PPFIA4: variants seen among roughly 807,000 people sequenced by gnomAD.
PPFIA4 encodes PPFI scaffold protein A4.
Under a neutral mutation model 145.7 loss-of-function variants are expected in PPFIA4, and 98 were observed. That is an observed-to-expected ratio of 0.67 (90% CI 0.57 to 0.80). PPFIA4 has a LOEUF of 0.80. PPFIA4 is among the 30% of genes least tolerant of loss of function. The pLI is 0.00. For synonymous variants in PPFIA4, 628 were observed against 649.6 expected, an observed-to-expected ratio of 0.97 and a Z score of 0.51; for missense variants, 1,457 against 1,632.7, an observed-to-expected ratio of 0.89 and a Z score of 1.85.
chr1:203,039,268 C>A, intron 2 of PPFIA4, 26 bp downstream of exon 2: 1 of 1,508,274 alleles, frequency 6.6e-7, no homozygotes, highest in South Asian at 1.3e-5. Flanking sequence ...CTGCGTCTCT[C>A]TTAACCCCTT....
intron 16 of PPFIA4, 31 bp from the exon 17 acceptor site, chr1:203,056,089 G>A (rs1360993623): frequency 1.9e-6 from 3 of 1,613,790 alleles, no homozygotes; most frequent in South Asian, 1.1e-5. Flanking sequence ...CAGAGGGTGA[G>A]TCTGAGCTTA....
chr1:203,056,857 C>T lies in PPFIA4; in HGVS notation c.2314C>T (p.Arg772Cys), dbSNP rs750034692. 5.0e-6 allele frequency: 8 copies of T among 1,613,986 alleles called. No homozygotes were observed. In the South Asian group the frequency reaches 5.5e-5, roughly 11 times the overall value. The change falls in exon 19 of 30, where the codon CGC becomes TGC. Residue 772 changes from arginine to cysteine, a missense_variant. Physicochemically the swap from Arg to Cys is radical, Grantham distance 180 (BLOSUM62 -3). This residue lies in a region of PPFIA4 where 848 missense variants were observed against 1,046.7 expected (regional missense o/e 0.81). Transcript: ENST00000295706. Reference protein sequence around the residue: ...SQDSLHKGAKRKGIKSSIGRL... With the variant: ...SQDSLHKGAKCKGIKSSIGRL... The stretch of plus-strand genomic sequence containing the variant: ...GGACTCCCTGCACAAGGGCGCCAAG[C>T]GCAAGGGCATCAAGTCGTCCATTGG...
intron 1 of PPFIA4, among the ~76,000 whole-genome samples, chr1:203,032,430 T>TTTTTTTTTTTTTTTTTTG (rs57892403): frequency 1.8e-4 from 25 of 139,432 alleles, no homozygotes; most frequent in South Asian, 2.3e-4. Context: ...TCCCCGCTTT[T>TTTTTTTTTTTTTTTTTTG]TTGTTGTTGT....
intron 9 of PPFIA4, 27 bp downstream of exon 9, chr1:203,046,409 G>T (rs1158750685): frequency 6.4e-7 from 1 of 1,568,546 alleles, no homozygotes; most frequent in African/African-American, 1.4e-5. Context: ...CCTGGGATCT[G>T]CCTCTGTCCC....
rs539685587 is a variant in PPFIA4 at position 203,078,183 on chromosome 1, T to C, written c.*1793T>C. On this transcript the variant is annotated 3_prime_UTR_variant, in exon 30 of 30. Coordinates refer to ENST00000295706, the MANE Select transcript of PPFIA4 (RefSeq NM_001304331.2). ...TTCCCTGGCCTCCCTGCCATCAGGT[T>C]GCTGGGAGTGGAGATGGAGGGATTA... 1 of 152,426 alleles carries C rather than the reference T, an allele frequency of 6.6e-6. No individual in the cohort carries two copies. The highest frequency in any genetic ancestry group is 2.1e-4 in the South Asian group (1 of 4,832). The allele number at this position is 152,426 out of a possible 1,614,324, so 9.4% of individuals were successfully genotyped here.
At chr1:203,046,842 T>C (rs1007077747) in intron 9 of PPFIA4, among the ~76,000 whole-genome samples, 4 of 152,128 alleles carry the variant, frequency 2.6e-5, no homozygotes, top group Admixed American at 6.5e-5. Context: ...GATTGCCAAA[T>C]TGAAGCTTCT....
Position 203,051,421 on chromosome 1 carries a change from G to A in PPFIA4, c.1512-348G>A, listed in dbSNP as rs934565706. Reference sequence around the variant, plus strand: ...CCTCCTGCGCCACGTGTGTCAGATGGCCGGAGAGCCTCTGCTCGAATACCT... The same window carrying A: ...CCTCCTGCGCCACGTGTGTCAGATGACCGGAGAGCCTCTGCTCGAATACCT... On this transcript the variant is annotated intron_variant, in intron 13 of 29. Coordinates refer to ENST00000295706, the MANE Select transcript of PPFIA4 (RefSeq NM_001304331.2). The A allele has an allele frequency of 6.0e-5, 45 of 756,060 alleles. No homozygotes were observed. The South Asian group carries it at 6.8e-4, about 11-fold the overall frequency. The allele number at this position is 756,060 out of a possible 1,614,324, so 46.8% of individuals were successfully genotyped here.
chr1:203,029,913 A>G (rs1658695001), intron 1 of PPFIA4, among the ~76,000 whole-genome samples: 1 of 152,256 alleles, frequency 6.6e-6, no homozygotes. Context: ...CAAAGAGTGC[A>G]TACGCACAAT....
chr1:203,048,419 CAG>C lies in PPFIA4; in HGVS notation c.1224+114_1224+115del. 1 of 1,474,966 alleles carries C rather than the reference CAG, an allele frequency of 6.8e-7. No individual in the cohort carries two copies. The highest frequency in any genetic ancestry group is 9.3e-7 in the Non-Finnish European group (1 of 1,078,968). The allele number at this position is 1,474,966 out of a possible 1,614,324, so 91.4% of individuals were successfully genotyped here. A position where few individuals can be genotyped will look rare whatever the true frequency, so the allele number is the denominator to read the frequency against. ...AAGGGCCTGGCCAGGGACACAGCCA[CAG>C]AGAGTGGGAGGAGGCTGGCAGGTGA... is the stretch of plus-strand genomic sequence containing the variant. On this transcript the variant is annotated intron_variant, in intron 10 of 29. Transcript: ENST00000295706. This position sits in a 1 kb window ranked among gnomAD's most constrained non-coding sequence, Gnocchi z 5.8.
Position 203,075,976 on chromosome 1 carries a change from G to T in PPFIA4, c.3574+219G>T, listed in dbSNP as rs1394884232. 1.9e-6 allele frequency: 1 copy of T among 535,724 alleles called. No homozygotes were observed. 33.2% of individuals were successfully genotyped at this position (535,724 alleles called of 1,614,324 possible). A position where few individuals can be genotyped will look rare whatever the true frequency, so the allele number is the denominator to read the frequency against. ...CTGCCGACTTCTCCCAGCTGGGACG[G>T]CGGGGTCGCAGAGACTGGAGACCTC... On this transcript the variant is annotated intron_variant, in intron 29 of 29. Coordinates refer to ENST00000295706, the MANE Select transcript of PPFIA4 (RefSeq NM_001304331.2). The surrounding 1 kb of genome is among the most constrained non-coding windows in gnomAD (Gnocchi z 4.1).
At position 203,075,455 on chromosome 1, in the gene PPFIA4, C is replaced by A; in HGVS notation, c.3394-122C>A. Reference sequence around the variant, plus strand: ...TAGAAAGGGGAAGTGACCTCGCTCCCTCTTTCCAAAGGGGTGGGAGTGGTG... The same window carrying A: ...TAGAAAGGGGAAGTGACCTCGCTCCATCTTTCCAAAGGGGTGGGAGTGGTG... On this transcript the variant is annotated intron_variant, in intron 28 of 29. Coordinates refer to ENST00000295706, the MANE Select transcript of PPFIA4 (RefSeq NM_001304331.2). This position sits in a 1 kb window ranked among gnomAD's most constrained non-coding sequence, Gnocchi z 4.1. 1 of 781,074 alleles carries A rather than the reference C, an allele frequency of 1.3e-6. No individual in the cohort carries two copies. The highest frequency in any genetic ancestry group is 1.8e-6 in the Non-Finnish European group (1 of 569,910). The allele number at this position is 781,074 out of a possible 1,614,324, so 48.4% of individuals were successfully genotyped here.
intron 19 of PPFIA4, 62 bp from the exon 20 acceptor site, chr1:203,059,115 CT>C: frequency 1.5e-6 from 2 of 1,334,530 alleles, no homozygotes; most frequent in Non-Finnish European, 1.1e-6. Flanking sequence ...TTCCCCACCC[CT>C]GATCCAGGCA....
At position 203,077,407 on chromosome 1, in the gene PPFIA4, C is replaced by T. The variant is rs1347775265; in HGVS notation, c.*1017C>T. On this transcript the variant is annotated 3_prime_UTR_variant, in exon 30 of 30. Transcript: ENST00000295706. The stretch of plus-strand genomic sequence containing the variant: ...GTAATCCCAACCCTATAAAAATGAA[C>T]CTAATGGGTGGATTGAATATACATT... 6.6e-6 allele frequency: 1 copy of T among 152,218 alleles called. No homozygotes were observed. Among genetic ancestry groups the T allele is most frequent in the Non-Finnish European group, 1.5e-5 (1 of 68,054 alleles). 9.4% of individuals were successfully genotyped at this position (152,218 alleles called of 1,614,324 possible). A position where few individuals can be genotyped will look rare whatever the true frequency, so the allele number is the denominator to read the frequency against.
At position 203,045,381 on chromosome 1, in the gene PPFIA4, G is replaced by T; in HGVS notation, c.680G>T (p.Arg227Leu). The change falls in exon 7 of 30, where the codon CGG becomes CTG. Residue 227 changes from arginine (R) to leucine (L), a missense_variant. This residue lies in a region of PPFIA4 where 463 missense variants were observed against 459.8 expected (regional missense o/e 1.01). Transcript: ENST00000295706. ...CTATCCCTGGAGGAGGATACGGGCC[G>T]GGTAGAGGAGCTGCAGGAGCTCCTG... ...PKRLWKEDTG[R>L]VEELQELLEK... 6.2e-7 allele frequency: 1 copy of T among 1,601,444 alleles called. No individual in the cohort carries two copies. The highest frequency in any genetic ancestry group is 8.5e-7 in the Non-Finnish European group (1 of 1,174,656).
Position 203,059,765 on chromosome 1 carries a change from A to AT in PPFIA4, c.2502-4dup. The AT allele has an allele frequency of 6.2e-7, 1 of 1,612,766 alleles. No homozygotes were observed. The highest frequency in any genetic ancestry group is 8.5e-7 in the Non-Finnish European group (1 of 1,179,168). On this transcript the variant is annotated splice_polypyrimidine_tract_variant and splice_region_variant and intron_variant, in intron 20 of 29. Transcript: ENST00000295706. ...TAGTGAGTCTGTTGTTCCTCTTCCTATAAGACACCAGCTGCTTGAAGATGC... is the reference window on the plus strand; with the variant it reads ...TAGTGAGTCTGTTGTTCCTCTTCCTATTAAGACACCAGCTGCTTGAAGATGC...
intron 12 of PPFIA4, 27 bp from the exon 13 acceptor site, chr1:203,049,649 G>T (rs767696971): frequency 6.6e-6 from 3 of 454,374 alleles, no homozygotes; most frequent in Non-Finnish European, 3.5e-6. Flanking sequence ...CCCCACTCCC[G>T]CCCCCACCCC....
chr1:203,035,580 C>T (rs892727450), intron 1 of PPFIA4: 16 of 456,772 alleles, frequency 3.5e-5, no homozygotes, highest in Non-Finnish European at 6.2e-5. Flanking sequence ...TCCTCCCCGG[C>T]AAAGCCCCTT....
At chr1:203,054,010 G>C in intron 15 of PPFIA4, 49 bp downstream of exon 15, 1 of 1,537,240 alleles carries the variant, frequency 6.5e-7, no homozygotes, top group Non-Finnish European at 8.8e-7. Flanking sequence ...GGGCAGGGGG[G>C]CCCTTTGTGT....
chr1:203,056,215 T>C (rs370724889), intron 17 of PPFIA4, 60 bp downstream of exon 17: 156 of 1,611,192 alleles, frequency 9.7e-5, no homozygotes, highest in Non-Finnish European at 1.2e-4. Context: ...CCCTTTCCTT[T>C]CAGCTTCCTC....
Sources: allele counts gnomAD v4.1 joint callset (sites outside exome capture counted in the v4.1 genomes callset), GRCh38; gene constraint gnomAD v4.1.1; regional missense constraint gnomAD v4.1.1; non-coding constraint Gnocchi (gnomAD v3.1); transcripts MANE v1.5; gene names NCBI Gene and HGNC (gene_info 2026-07-23, HGNC 2026-07-21).